CCDC148: variants seen among roughly 807,000 people sequenced by gnomAD.
The protein encoded by CCDC148 is coiled-coil domain-containing protein 148.
A neutral mutation model predicts 85.7 loss-of-function variants in CCDC148; 89 were observed. The observed-to-expected ratio is 1.04, with a 90% CI of 0.87 to 1.24. The LOEUF (loss-of-function observed/expected upper bound fraction) is 1.24. Ranked by LOEUF, CCDC148 falls within the 50% of genes most tolerant of loss-of-function variation. CCDC148 has a pLI of 0.00. For synonymous variants in CCDC148, 230 were observed against 213.9 expected, an observed-to-expected ratio of 1.08 and a Z score of -0.66; for missense variants, 692 against 671.7, an observed-to-expected ratio of 1.03 and a Z score of -0.33.
intron 1 of CCDC148, among the ~76,000 whole-genome samples, chr2:158,365,598 T>C (rs1416360650): frequency 6.6e-6 from 1 of 151,310 alleles, no homozygotes; most frequent in Non-Finnish European, 1.5e-5. Context: ...TAAGTGGGAG[T>C]TGAACAATGA....
At chr2:158,404,032 C>A (rs1228334997) in intron 1 of CCDC148, among the ~76,000 whole-genome samples, 1 of 152,148 alleles carries the variant, frequency 6.6e-6, no homozygotes, top group Admixed American at 6.6e-5. Flanking sequence ...TGTAAAATAG[C>A]ATTCCGATAC....
At chr2:158,331,045 T>C (rs1220394129) in intron 7 of CCDC148, among the ~76,000 whole-genome samples, 2 of 152,214 alleles carry the variant, frequency 1.3e-5, no homozygotes, top group Non-Finnish European at 2.9e-5. Context: ...TCTCGCCTTC[T>C]GCTAGCTTTT....
chr2:158,176,086 T>C (rs916538433), intron 13 of CCDC148, among the ~76,000 whole-genome samples: 3 of 152,108 alleles, frequency 2.0e-5, no homozygotes, highest in Non-Finnish European at 4.4e-5. Context: ...TATTATCTTC[T>C]GTTCATTTTC....
intron 10 of CCDC148, among the ~76,000 whole-genome samples, chr2:158,245,042 A>AG (rs1427580891): frequency 1.3e-5 from 2 of 152,200 alleles, no homozygotes; most frequent in Non-Finnish European, 2.9e-5. Context: ...TGCCCTGATA[A>AG]GAACCTACAA....
At chr2:158,271,786 G>T (rs1689710898) in intron 9 of CCDC148, among the ~76,000 whole-genome samples, 1 of 152,088 alleles carries the variant, frequency 6.6e-6, no homozygotes, top group Non-Finnish European at 1.5e-5. Context: ...TCATGGATAA[G>T]GGGGAACTAT....
chr2:158,426,441 G>C (rs182872250), intron 1 of CCDC148, among the ~76,000 whole-genome samples: 2 of 152,134 alleles, frequency 1.3e-5, no homozygotes, highest in Non-Finnish European at 2.9e-5. Flanking sequence ...TGCATATTCA[G>C]ATGTAGGAAG....
chr2:158,350,920 T>C (rs1298022436), intron 2 of CCDC148, among the ~76,000 whole-genome samples: 1 of 152,152 alleles, frequency 6.6e-6, no homozygotes, highest in Non-Finnish European at 1.5e-5. Flanking sequence ...CTCTTCTGTT[T>C]TGTAATATAC....
At chr2:158,411,013 A>G (rs1197531197) in intron 1 of CCDC148, among the ~76,000 whole-genome samples, 1 of 152,168 alleles carries the variant, frequency 6.6e-6, no homozygotes, top group Non-Finnish European at 1.5e-5. Flanking sequence ...TACTTTGAAT[A>G]TACCATCGCA....
At chr2:158,335,670 C>A (rs1485992092) in intron 7 of CCDC148, among the ~76,000 whole-genome samples, 1 of 152,072 alleles carries the variant, frequency 6.6e-6, no homozygotes, top group African/African-American at 2.4e-5. Flanking sequence ...ATACTGCCCC[C>A]ATGATTCAAT....
chr2:158,378,161 C>G lies in CCDC148; in HGVS notation c.26-19591G>C, dbSNP rs188503684. On this transcript the variant is annotated intron_variant, in intron 1 of 13. Coordinates refer to ENST00000283233, the MANE Select transcript of CCDC148 (RefSeq NM_138803.4). ...AAGTTCTTGAAAGAAATGAAAAGGG[C>G]TACTCCAGTAAACATGCAAGTGATA... Among the ~76,000 whole-genome samples, 61 of 152,174 alleles carry G rather than the reference C, an allele frequency of 4.0e-4. 1 individual carries two copies. Among genetic ancestry groups the G allele is most frequent in the Admixed American group, 5.2e-4 (8 of 15,248 alleles).
intron 1 of CCDC148, among the ~76,000 whole-genome samples, chr2:158,402,236 G>T (rs1184398426): frequency 2.0e-5 from 3 of 151,958 alleles, no homozygotes; most frequent in Non-Finnish European, 4.4e-5. Context: ...AAATGGTAAG[G>T]ACTAGAGTTT....
chr2:158,381,958 C>T (rs1339996843), intron 1 of CCDC148, among the ~76,000 whole-genome samples: 1 of 152,124 alleles, frequency 6.6e-6, no homozygotes, highest in Non-Finnish European at 1.5e-5. Flanking sequence ...GAATCCCCAA[C>T]GTGTCTGTAT....
At chr2:158,314,479 A>G (rs879503257) in intron 7 of CCDC148, among the ~76,000 whole-genome samples, 8 of 152,214 alleles carry the variant, frequency 5.3e-5, no homozygotes, top group Non-Finnish European at 1.0e-4. Context: ...CATTAAAACC[A>G]CTGAAGAAAT....
chr2:158,178,438 G>A (rs1236105701), intron 12 of CCDC148, among the ~76,000 whole-genome samples: 24 of 152,050 alleles, frequency 1.6e-4, no homozygotes, highest in Non-Finnish European at 3.5e-4. Flanking sequence ...CACAAAATAG[G>A]TATTTTCTAA....
At chr2:158,313,292 T>C (rs1294321627) in intron 8 of CCDC148, among the ~76,000 whole-genome samples, 1 of 152,218 alleles carries the variant, frequency 6.6e-6, no homozygotes, top group Non-Finnish European at 1.5e-5. Context: ...AGAGTTGTTG[T>C]GGTGGGGAAG....
intron 7 of CCDC148, among the ~76,000 whole-genome samples, chr2:158,336,790 A>G (rs1252450265): frequency 6.6e-6 from 1 of 152,144 alleles, no homozygotes; most frequent in Non-Finnish European, 1.5e-5. Flanking sequence ...TAAGGATACA[A>G]ATATAACTAC....
At chr2:158,418,993 G>C (rs987361639) in intron 1 of CCDC148, among the ~76,000 whole-genome samples, 1 of 152,000 alleles carries the variant, frequency 6.6e-6, no homozygotes, top group Non-Finnish European at 1.5e-5. Context: ...CAGAAACTTG[G>C]CTTTGCATGC....
chr2:158,380,447 A>C (rs1406169791), intron 1 of CCDC148, among the ~76,000 whole-genome samples: 1 of 152,162 alleles, frequency 6.6e-6, no homozygotes, highest in Admixed American at 6.5e-5. Flanking sequence ...GCTGTGAAAG[A>C]CTGAAAGACT....
intron 9 of CCDC148, among the ~76,000 whole-genome samples, chr2:158,253,266 A>T (rs1688870540): frequency 6.6e-6 from 1 of 151,706 alleles, no homozygotes; most frequent in Non-Finnish European, 1.5e-5. Flanking sequence ...AATCTAAATA[A>T]TTTAGTTTTC....
Sources: allele counts gnomAD v4.1 joint callset (sites outside exome capture counted in the v4.1 genomes callset), GRCh38; gene constraint gnomAD v4.1.1; transcripts MANE v1.5; gene names NCBI Gene and HGNC (gene_info 2026-07-23, HGNC 2026-07-21).